RNF180: variants seen among roughly 807,000 people sequenced by gnomAD.
The protein encoded by RNF180 is E3 ubiquitin-protein ligase RNF180.
A neutral mutation model predicts 59.2 loss-of-function variants in RNF180; 38 were observed. The ratio of observed to expected loss-of-function variants is 0.64; its 90% CI spans 0.50 to 0.84. RNF180 has a LOEUF of 0.84. Among genes scored for constraint, RNF180 ranks in the 40% least tolerant of loss-of-function variants. The pLI is 0.00. For missense variants in RNF180, 705 were observed against 700.9 expected (o/e 1.01, Z -0.07); for synonymous variants, 262 against 240.3 (o/e 1.09, Z -0.84).
chr5:64,329,975 A>G (rs1744828237), intron 6 of RNF180, among the ~76,000 whole-genome samples: 1 of 152,112 alleles, frequency 6.6e-6, no homozygotes, highest in South Asian at 2.1e-4. Flanking sequence ...TTTAGACTAC[A>G]GTTGTTTTAA....
chr5:64,299,264 A>AT (rs1251871873), intron 5 of RNF180, among the ~76,000 whole-genome samples: 2 of 151,924 alleles, frequency 1.3e-5, no homozygotes, highest in African/African-American at 4.8e-5. Flanking sequence ...CATTCAATTT[A>AT]TGGTATTTCT....
intron 1 of RNF180, among the ~76,000 whole-genome samples, chr5:64,198,413 G>T (rs1053115632): frequency 6.6e-6 from 1 of 152,192 alleles, no homozygotes; most frequent in African/African-American, 2.4e-5. Context: ...TTTGGAACAA[G>T]ACCAAAACTA....
intron 1 of RNF180, chr5:64,166,179 G>C (rs1328323156): frequency 1.3e-5 from 2 of 152,284 alleles, no homozygotes; most frequent in Non-Finnish European, 2.9e-5. Flanking sequence ...TGAGGCTCTC[G>C]GAGCGGCCTC....
At chr5:64,283,656 C>CCCA (rs1742127149) in intron 5 of RNF180, among the ~76,000 whole-genome samples, 1 of 152,088 alleles carries the variant, frequency 6.6e-6, no homozygotes, top group Non-Finnish European at 1.5e-5. Context: ...TCTGGCATTT[C>CCCA]CCATGCTTGC....
At chr5:64,340,647 C>T (rs1336346697) in intron 7 of RNF180, among the ~76,000 whole-genome samples, 1 of 152,152 alleles carries the variant, frequency 6.6e-6, no homozygotes, top group Non-Finnish European at 1.5e-5. Context: ...TACATTAACC[C>T]TTACATTTCC....
rs1345953322 is a variant in RNF180, at chr5:64,369,674, A to T, written c.1639A>T (p.Met547Leu). 3.9e-6 allele frequency: 6 copies of T among 1,546,850 alleles called. No individual in the cohort carries two copies. Among genetic ancestry groups the T allele is most frequent in the Non-Finnish European group, 5.2e-6 (6 of 1,144,940 alleles). The change falls in exon 8 of 8, where the codon ATG (methionine) becomes TTG (leucine). Residue 547 changes from methionine (M) to leucine (L), a missense_variant. Physicochemically the swap from Met to Leu is conservative, Grantham distance 15. Transcript: ENST00000389100. ...GCAGTTCCCACACGGTGCACACAGG[A>T]TGGATTACCTGCACTTTGAGGATGA... Reference protein sequence around the residue: ...RRQFPHGAHRMDYLHFEDDSR... With the variant: ...RRQFPHGAHRLDYLHFEDDSR...
chr5:64,184,420 C>A (rs1484506684), intron 1 of RNF180, among the ~76,000 whole-genome samples: 1 of 151,884 alleles, frequency 6.6e-6, no homozygotes, highest in Non-Finnish European at 1.5e-5. Context: ...TTGTCTAGAT[C>A]CATTATTTCA....
At chr5:64,260,408 T>A (rs1016635395) in intron 5 of RNF180, among the ~76,000 whole-genome samples, 8 of 152,240 alleles carry the variant, frequency 5.3e-5, no homozygotes, top group Admixed American at 1.3e-4. Flanking sequence ...TAGTCTTTCT[T>A]TTGAAGTAAA....
At chr5:64,212,206 G>A (rs1489735530) in intron 3 of RNF180, 46 bp downstream of exon 3, 1 of 1,124,550 alleles carries the variant, frequency 8.9e-7, no homozygotes, top group South Asian at 1.3e-5. Flanking sequence ...ACAACCTTCA[G>A]AATGTTTTTG....
chr5:64,321,539 C>T (rs1282231371), intron 5 of RNF180, among the ~76,000 whole-genome samples: 1 of 152,174 alleles, frequency 6.6e-6, no homozygotes, highest in Admixed American at 6.5e-5. Flanking sequence ...AGTAGAAAAA[C>T]GTTTCATCCT....
intron 5 of RNF180, among the ~76,000 whole-genome samples, chr5:64,264,048 T>C (rs527646877): frequency 1.2e-4 from 19 of 152,162 alleles, no homozygotes; most frequent in Non-Finnish European, 2.5e-4. Context: ...CTCCATATAG[T>C]AGTCTAACTT....
chr5:64,275,174 ATATT>A (rs1422059772), intron 5 of RNF180, among the ~76,000 whole-genome samples: 1 of 151,644 alleles, frequency 6.6e-6, no homozygotes, highest in Non-Finnish European at 1.5e-5. Context: ...ACATGTCTGT[ATATT>A]TAAAGTAACT....
At chr5:64,297,572 C>A (rs947846638) in intron 5 of RNF180, among the ~76,000 whole-genome samples, 1 of 151,944 alleles carries the variant, frequency 6.6e-6, no homozygotes, top group Admixed American at 6.6e-5. Context: ...ACTACAATTA[C>A]CATGATACCA....
At chr5:64,299,039 CAG>C (rs1339446929) in intron 5 of RNF180, among the ~76,000 whole-genome samples, 2 of 151,924 alleles carry the variant, frequency 1.3e-5, no homozygotes, top group African/African-American at 4.8e-5. Context: ...AATTAGGTAA[CAG>C]GGCAGAGCAA....
chr5:64,276,785 T>C (rs1303995158), intron 5 of RNF180, among the ~76,000 whole-genome samples: 1 of 152,080 alleles, frequency 6.6e-6, no homozygotes, highest in Non-Finnish European at 1.5e-5. Flanking sequence ...TCAGAATTAT[T>C]CTTTATAAAA....
chr5:64,340,366 A>G (rs1745310551), intron 7 of RNF180, among the ~76,000 whole-genome samples: 1 of 152,094 alleles, frequency 6.6e-6, no homozygotes, highest in Admixed American at 6.5e-5. Flanking sequence ...CAATCCATCC[A>G]TTTTTCATGA....
intron 5 of RNF180, among the ~76,000 whole-genome samples, chr5:64,310,344 C>A (rs1419316536): frequency 6.6e-6 from 1 of 151,744 alleles, no homozygotes; most frequent in Non-Finnish European, 1.5e-5. Context: ...GAGATCTAGG[C>A]TACAGGGGCA....
At chr5:64,312,903 G>A (rs1259898763) in intron 5 of RNF180, among the ~76,000 whole-genome samples, 2 of 152,166 alleles carry the variant, frequency 1.3e-5, no homozygotes, top group Middle Eastern at 3.4e-3. Context: ...CATCTAATGC[G>A]CTGTAAATAA....
At chr5:64,325,513 A>G in intron 6 of RNF180, 102 bp downstream of exon 6, 3 of 815,308 alleles carry the variant, frequency 3.7e-6, no homozygotes, top group Non-Finnish European at 3.9e-6. Context: ...CACATATACC[A>G]TAATTTGTTA....
Sources: allele counts gnomAD v4.1 joint callset (sites outside exome capture counted in the v4.1 genomes callset), GRCh38; gene constraint gnomAD v4.1.1; transcripts MANE v1.5; gene names NCBI Gene and HGNC (gene_info 2026-07-23, HGNC 2026-07-21).